Variants in NYAP2 observed in about 807,000 individuals in gnomAD.
NYAP2 encodes neuronal tyrosine-phosphorylated phosphoinositide-3-kinase adaptor 2.
In NYAP2, 23 loss-of-function variants were observed where a neutral mutation model predicts 50.4. That is an observed-to-expected ratio of 0.46 (90% CI 0.33 to 0.65). The LOEUF (loss-of-function observed/expected upper bound fraction) is 0.65, where lower values mean the gene tolerates loss of function less well. Among genes scored for constraint, NYAP2 ranks in the 30% least tolerant of loss-of-function variants. The probability of loss-of-function intolerance (pLI) is 0.02; values close to 1 mark genes in which losing one functional copy is unlikely to be tolerated. For missense variants in NYAP2, 885 were observed against 861.0 expected, an observed-to-expected ratio of 1.03 and a Z score of -0.35; for synonymous variants, 394 against 365.2, an observed-to-expected ratio of 1.08 and a Z score of -0.90.
chr2:225,528,944 C>T (rs368254984), intron 4 of NYAP2, among the ~76,000 whole-genome samples: 7 of 152,204 alleles, frequency 4.6e-5, no homozygotes, highest in African/African-American at 7.2e-5. Context: ...TGTCTGCAGA[C>T]GAAGTGGAGA....
intron 3 of NYAP2, among the ~76,000 whole-genome samples, chr2:225,501,012 T>C (rs1690597023): frequency 6.6e-6 from 1 of 152,208 alleles, no homozygotes; most frequent in Non-Finnish European, 1.5e-5. Context: ...TAGATGATGG[T>C]CTGGGCTGAG....
chr2:225,442,702 A>T (rs1689489841), intron 3 of NYAP2, among the ~76,000 whole-genome samples: 1 of 152,054 alleles, frequency 6.6e-6, no homozygotes, highest in African/African-American at 2.4e-5. Flanking sequence ...CAGGCTCCCG[A>T]GTAGCTGGGA....
downstream of NYAP2, among the ~76,000 whole-genome samples, chr2:225,655,885 T>TACACACAC (rs372646871): frequency 0.15 from 18,445 of 120,652 alleles, 1,809 homozygotes; most frequent in Middle Eastern, 0.22. Context: ...CAACCTCCAC[T>TACACACAC]ACACACACAC....
At chr2:225,661,427 A>G in the NYAP2 span, among the ~76,000 whole-genome samples, 3 of 152,214 alleles carry the variant, frequency 2.0e-5, no homozygotes, top group Non-Finnish European at 4.4e-5. Flanking sequence ...ACACTTCTCC[A>G]GATAAATTGG....
chr2:225,493,924 A>C (rs1358250648), intron 3 of NYAP2, among the ~76,000 whole-genome samples: 2 of 152,148 alleles, frequency 1.3e-5, no homozygotes, highest in Non-Finnish European at 2.9e-5. Flanking sequence ...CACAACTAAA[A>C]ATATGCCCAA....
exon 1 of NYAP2, chr2:225,399,980 A>T (rs1054024908): frequency 2.0e-5 from 3 of 151,984 alleles, no homozygotes; most frequent in African/African-American, 7.2e-5. Context: ...TCCTTTTATT[A>T]TTTACTAATC....
intron 6 of NYAP2, among the ~76,000 whole-genome samples, chr2:225,638,049 G>T (rs1239113446): frequency 6.6e-6 from 1 of 152,120 alleles, no homozygotes; most frequent in Admixed American, 6.6e-5. Context: ...GAGGCTGAGA[G>T]AGACAGAGAC....
At chr2:225,666,678 T>C in the NYAP2 span, among the ~76,000 whole-genome samples, 1 of 152,182 alleles carries the variant, frequency 6.6e-6, no homozygotes, top group Non-Finnish European at 1.5e-5. Context: ...AAGGTTCTTT[T>C]GAAGTCTTAA....
chr2:225,624,297 T>G (rs1693171300), intron 5 of NYAP2, among the ~76,000 whole-genome samples: 1 of 152,210 alleles, frequency 6.6e-6, no homozygotes. Context: ...AGGCTTCAAG[T>G]GTACCTTGAT....
the NYAP2 span, chr2:225,703,373 G>T: frequency 6.6e-6 from 1 of 151,510 alleles, no homozygotes; most frequent in African/African-American, 2.4e-5. Context: ...CTGAAAATTT[G>T]TGCAAATAAG....
intron 3 of NYAP2, among the ~76,000 whole-genome samples, chr2:225,437,039 G>C (rs1438306563): frequency 6.7e-6 from 1 of 150,128 alleles, no homozygotes; most frequent in African/African-American, 2.5e-5. Flanking sequence ...AGGAAAAGGA[G>C]AACTGAGCTA....
intron 3 of NYAP2, among the ~76,000 whole-genome samples, chr2:225,510,385 T>C (rs1166214263): frequency 6.6e-6 from 1 of 152,212 alleles, no homozygotes; most frequent in African/African-American, 2.4e-5. Flanking sequence ...CATCTGGATA[T>C]AGTTTTAAAA....
rs374037572 is a variant in NYAP2 at position 225,504,990 on chromosome 2, G to C, written c.222-8381G>C. 2.0e-5 allele frequency among the ~76,000 whole-genome samples: 3 copies of C among 148,234 alleles called. No individual in the cohort carries two copies. In the East Asian group the frequency reaches 6.0e-4, roughly 29 times the overall value. ...ACCACTGCGCTCCAGCCTGGGTGAC[G>C]GAGCAAGACTGCGTCTCGAAAAAAA... On this transcript the variant is annotated intron_variant, in intron 3 of 6. Coordinates refer to ENST00000636099, the Ensembl canonical transcript of NYAP2.
intron 4 of NYAP2, among the ~76,000 whole-genome samples, chr2:225,528,407 G>A (rs767750668): frequency 5.9e-5 from 9 of 151,856 alleles, no homozygotes; most frequent in South Asian, 2.1e-4. Context: ...AAATCATCCC[G>A]CCGCAAAGTG....
intron 3 of NYAP2, among the ~76,000 whole-genome samples, chr2:225,461,673 T>A (rs577135069): frequency 2.1e-4 from 32 of 152,336 alleles, no homozygotes; most frequent in African/African-American, 7.7e-4. Flanking sequence ...AATTCTTTTA[T>A]CTACAAAGTA....
intron 4 of NYAP2, among the ~76,000 whole-genome samples, chr2:225,525,098 A>T (rs1439728604): frequency 2.6e-5 from 4 of 152,220 alleles, no homozygotes; most frequent in Non-Finnish European, 5.9e-5. Context: ...GTTGGCAAAG[A>T]TGCAAAGAAA....
the NYAP2 span, among the ~76,000 whole-genome samples, chr2:225,689,053 C>T: frequency 3.3e-5 from 5 of 152,114 alleles, no homozygotes; most frequent in African/African-American, 1.2e-4. Context: ...GAAAATTGAA[C>T]ATCAAACACA....
intron 5 of NYAP2, among the ~76,000 whole-genome samples, chr2:225,619,785 T>G (rs1693057211): frequency 6.6e-6 from 1 of 152,218 alleles, no homozygotes; most frequent in East Asian, 1.9e-4. Flanking sequence ...CCTGGTGTTA[T>G]CTTTCTTCTG....
chr2:225,534,883 C>T (rs574183592), intron 4 of NYAP2, among the ~76,000 whole-genome samples: 1 of 152,312 alleles, frequency 6.6e-6, no homozygotes, highest in African/African-American at 2.4e-5. Context: ...AGATCCAGAC[C>T]TTGTTGGGAG....
Sources: gnomAD v4.1 joint callset for allele counts (sites outside exome capture counted in the v4.1 genomes callset) on GRCh38, gnomAD v4.1.1 for gene constraint, MANE v1.5 for transcripts, NCBI Gene and HGNC (gene_info 2026-07-23, HGNC 2026-07-21) for gene names.